Variants in GHR observed in about 807,000 individuals in gnomAD.
GHR encodes growth hormone receptor.
A neutral mutation model predicts 67.1 loss-of-function variants in GHR; 35 were observed. The observed-to-expected ratio is 0.52, with a 90% CI of 0.40 to 0.69. GHR has a LOEUF of 0.69. GHR is among the 30% of genes least tolerant of loss of function. GHR has a pLI of 0.00. For missense variants in GHR, 792 were observed against 764.6 expected (o/e 1.04, Z -0.42); for synonymous variants, 272 against 269.1 (o/e 1.01, Z -0.10).
At chr5:42,443,203 CT>C (rs1743656211) in intron 1 of GHR, among the ~76,000 whole-genome samples, 1 of 152,130 alleles carries the variant, frequency 6.6e-6, no homozygotes, top group South Asian at 2.1e-4. Flanking sequence ...CTCACAGTGT[CT>C]TGGAATGGTC....
intron 1 of GHR, among the ~76,000 whole-genome samples, chr5:42,472,178 C>G (rs1223036318): frequency 6.6e-6 from 1 of 152,154 alleles, no homozygotes; most frequent in Non-Finnish European, 1.5e-5. Context: ...AATTCCATCC[C>G]TTAAACATCT....
chr5:42,646,147 G>A (rs576065332), intron 3 of GHR, among the ~76,000 whole-genome samples: 16 of 134,134 alleles, frequency 1.2e-4, no homozygotes, highest in Admixed American at 1.1e-3. Flanking sequence ...GAATGTTAAG[G>A]TTTTACTAAA....
At chr5:42,562,289 C>T (rs1749652597) in intron 1 of GHR, among the ~76,000 whole-genome samples, 1 of 152,116 alleles carries the variant, frequency 6.6e-6, no homozygotes, top group Non-Finnish European at 1.5e-5. Flanking sequence ...CAGAGGAGTG[C>T]AGATGGGGCT....
chr5:42,713,107 C>T (rs1188620161), intron 7 of GHR, among the ~76,000 whole-genome samples: 1 of 151,890 alleles, frequency 6.6e-6, no homozygotes, highest in Admixed American at 6.6e-5. Context: ...GAAGCTGAAA[C>T]CTTTATGATA....
chr5:42,457,895 C>A (rs962942907), intron 1 of GHR, among the ~76,000 whole-genome samples: 1 of 152,156 alleles, frequency 6.6e-6, no homozygotes, highest in Admixed American at 6.5e-5. Flanking sequence ...GCCACATGAA[C>A]CTACTAGCCT....
At chr5:42,583,897 A>ATATATATATATAT (rs759855239) in intron 2 of GHR, among the ~76,000 whole-genome samples, 3 of 149,402 alleles carry the variant, frequency 2.0e-5, no homozygotes, top group South Asian at 4.2e-4. Context: ...ATATATATAT[A>ATATATATATATAT]AATTCTTACA....
In GHR at chr5:42,710,438, C is replaced by T. The variant is rs142388656; in HGVS notation, c.619-769C>T. 2.8e-3 allele frequency among the ~76,000 whole-genome samples: 419 copies of T among 152,136 alleles called. 2 individuals are homozygous for T. The highest frequency in any genetic ancestry group is 9.7e-3 in the African/African-American group (404 of 41,516). ...TATTTGACTTGGAGGAAACTACCAT[C>T]ACTAGTTGAGTATACCTCTTTGATA... is the stretch of plus-strand genomic sequence containing the variant. On this transcript the variant is annotated intron_variant, in intron 6 of 9. Transcript: ENST00000230882.
chr5:42,666,284 A>G (rs1021980413), intron 3 of GHR, among the ~76,000 whole-genome samples: 2 of 152,206 alleles, frequency 1.3e-5, no homozygotes, highest in Non-Finnish European at 2.9e-5. Flanking sequence ...ATTAATTTTA[A>G]CAAAGTAGGT....
At chr5:42,502,004 C>T (rs1746560204) in intron 1 of GHR, among the ~76,000 whole-genome samples, 1 of 152,080 alleles carries the variant, frequency 6.6e-6, no homozygotes, top group Non-Finnish European at 1.5e-5. Context: ...CATTCATATC[C>T]CTCCTTTACA....
At chr5:42,565,464 G>A (rs1418559911) in intron 1 of GHR, 1 of 984,876 alleles carries the variant, frequency 1.0e-6, no homozygotes, top group Non-Finnish European at 1.2e-6. Context: ...TTTATGGCCT[G>A]TCCAGCTCAA....
intron 1 of GHR, among the ~76,000 whole-genome samples, chr5:42,432,760 AG>A (rs1355223505): frequency 3.9e-5 from 6 of 152,234 alleles, no homozygotes; most frequent in Non-Finnish European, 7.3e-5. Context: ...GAAAGATTAA[AG>A]AAAGAGAAGC....
At chr5:42,543,829 C>T (rs1186083660) in intron 1 of GHR, among the ~76,000 whole-genome samples, 1 of 151,924 alleles carries the variant, frequency 6.6e-6, no homozygotes, top group Non-Finnish European at 1.5e-5. Context: ...TCTGGAATTC[C>T]AATCATATGT....
intron 1 of GHR, among the ~76,000 whole-genome samples, chr5:42,461,018 A>C (rs1167760324): frequency 2.0e-5 from 3 of 152,178 alleles, no homozygotes; most frequent in Non-Finnish European, 4.4e-5. Flanking sequence ...CAGATGAAAA[A>C]TTGAAGACTC....
intron 1 of GHR, among the ~76,000 whole-genome samples, chr5:42,483,408 A>G (rs1745742308): frequency 6.6e-6 from 1 of 151,700 alleles, no homozygotes; most frequent in Admixed American, 6.6e-5. Context: ...AAGGAGCCTG[A>G]GCTTGGTGAA....
chr5:42,593,261 G>A (rs952142947), intron 2 of GHR, among the ~76,000 whole-genome samples: 4 of 152,152 alleles, frequency 2.6e-5, no homozygotes, highest in African/African-American at 9.7e-5. Flanking sequence ...AGTGCTTTGT[G>A]TAAAGTAGGC....
Position 42,424,665 on chromosome 5 carries a change from C to A in GHR, c.-12+710C>A. 1 of 1,424,792 alleles carries A rather than the reference C, an allele frequency of 7.0e-7. No individual in the cohort carries two copies. Among genetic ancestry groups the A allele is most frequent in the Non-Finnish European group, 9.6e-7 (1 of 1,045,696 alleles). 88.3% of individuals were successfully genotyped at this position (1,424,792 alleles called of 1,614,324 possible). A position where few individuals can be genotyped will look rare whatever the true frequency, so the allele number is the denominator to read the frequency against. On this transcript the variant is annotated intron_variant, in intron 1 of 9. Coordinates refer to ENST00000230882, the MANE Select transcript of GHR (RefSeq NM_000163.5). This position sits in a 1 kb window ranked among gnomAD's most constrained non-coding sequence, Gnocchi z 4.1. The stretch of plus-strand genomic sequence containing the variant: ...ACACACTAGTGGTTGTAAAATCAAC[C>A]AGGCTTAAAGTTTTGACAGAACTGC...
chr5:42,601,154 C>T (rs1433118811), intron 2 of GHR, among the ~76,000 whole-genome samples: 2 of 151,650 alleles, frequency 1.3e-5, no homozygotes, highest in African/African-American at 2.4e-5. Flanking sequence ...CTTGAATTCC[C>T]GACTTGAGGT....
chr5:42,574,049 C>A (rs1422318608), intron 2 of GHR, among the ~76,000 whole-genome samples: 2 of 152,268 alleles, frequency 1.3e-5, no homozygotes, highest in Admixed American at 6.5e-5. Flanking sequence ...AGGGGAGGAC[C>A]ATTTTGTGTT....
In GHR at chr5:42,599,613, T is replaced by C. The variant is rs534888223; in HGVS notation, c.71-29425T>C. ...TGACCTCGTGATCCACCCCCCCGCC[T>C]CTTGGCCTCCCAAAGTGCTGGGATT... On this transcript the variant is annotated intron_variant, in intron 2 of 9. Coordinates refer to ENST00000230882, the MANE Select transcript of GHR (RefSeq NM_000163.5). 3.9e-3 allele frequency among the ~76,000 whole-genome samples: 600 copies of C among 151,996 alleles called. 3 individuals carry two copies. Among genetic ancestry groups the C allele is most frequent in the African/African-American group, 0.014 (583 of 41,376 alleles).
Sources: allele counts gnomAD v4.1 joint callset (sites outside exome capture counted in the v4.1 genomes callset), GRCh38; gene constraint gnomAD v4.1.1; non-coding constraint Gnocchi (gnomAD v3.1); transcripts MANE v1.5; gene names NCBI Gene and HGNC (gene_info 2026-07-23, HGNC 2026-07-21).